Variants in ANK2 observed in about 807,000 individuals in gnomAD.
ANK2 encodes the protein ankyrin-2.
ANK2 carries 83 observed loss-of-function variants against 360.5 expected under a neutral mutation model. The observed-to-expected ratio is 0.23, with a 90% CI of 0.19 to 0.28. The LOEUF (loss-of-function observed/expected upper bound fraction) is 0.28, where lower values mean the gene tolerates loss of function less well. Among genes scored for constraint, ANK2 ranks in the 10% least tolerant of loss-of-function variants. ANK2 has a pLI of 1.00. For synonymous variants in ANK2, 1,740 were observed against 1,759.5 expected, an observed-to-expected ratio of 0.99 and a Z score of 0.28; for missense variants, 4,201 against 4,795.7, an observed-to-expected ratio of 0.88 and a Z score of 3.66.
intron 2 of ANK2, among the ~76,000 whole-genome samples, chr4:112,913,462 A>G (rs1447530339): frequency 6.6e-6 from 1 of 152,202 alleles, no homozygotes; most frequent in Non-Finnish European, 1.5e-5. Context: ...AATTGATTTT[A>G]CTTTGGACTT....
At chr4:112,723,668 C>CT in the ANK2 span, among the ~76,000 whole-genome samples, 1 of 152,050 alleles carries the variant, frequency 6.6e-6, no homozygotes, top group African/African-American at 2.4e-5. Context: ...CCGGCAAGAT[C>CT]TTTTTTTAAT....
At chr4:113,101,322 G>T (rs1314695933) in intron 1 of ANK2, among the ~76,000 whole-genome samples, 1 of 151,924 alleles carries the variant, frequency 6.6e-6, no homozygotes, top group African/African-American at 2.4e-5. Flanking sequence ...CAAAAATCAG[G>T]CTTTGACTAA....
chr4:112,956,013 G>A (rs2095313448), intron 2 of ANK2, among the ~76,000 whole-genome samples: 1 of 152,214 alleles, frequency 6.6e-6, no homozygotes, highest in Non-Finnish European at 1.5e-5. Flanking sequence ...CCCCTGAGGT[G>A]AGACATCACA....
At chr4:112,875,103 C>T (rs1431321310) in intron 1 of ANK2, among the ~76,000 whole-genome samples, 2 of 150,908 alleles carry the variant, frequency 1.3e-5, no homozygotes, top group Admixed American at 1.3e-4. Context: ...CTCACTGTAA[C>T]CTCCGCCTCC....
intron 2 of ANK2, among the ~76,000 whole-genome samples, chr4:113,030,095 G>A (rs1042449184): frequency 3.9e-5 from 6 of 151,948 alleles, no homozygotes; most frequent in Non-Finnish European, 7.4e-5. Flanking sequence ...TACCATGAAA[G>A]GGCAACAAAA....
At chr4:112,927,201 A>G (rs935962937) in intron 2 of ANK2, among the ~76,000 whole-genome samples, 2 of 152,194 alleles carry the variant, frequency 1.3e-5, no homozygotes, top group Non-Finnish European at 2.9e-5. Flanking sequence ...CAGCCAAACC[A>G]TATCACATGT....
chr4:112,725,210 A>G, the ANK2 span, among the ~76,000 whole-genome samples: 1 of 136,036 alleles, frequency 7.4e-6, no homozygotes, highest in South Asian at 2.7e-4. Flanking sequence ...TGAACCCAGG[A>G]GGTGGAGGTT....
chr4:113,004,681 A>G (rs2052114178), intron 2 of ANK2, among the ~76,000 whole-genome samples: 1 of 152,226 alleles, frequency 6.6e-6, no homozygotes, highest in South Asian at 2.1e-4. Context: ...TACATAAACC[A>G]GTTACATAGT....
chr4:113,303,475 TC>T (rs1477062499), intron 23 of ANK2, among the ~76,000 whole-genome samples: 1 of 152,172 alleles, frequency 6.6e-6, no homozygotes, highest in African/African-American at 2.4e-5. Flanking sequence ...AAGCCTGCTT[TC>T]CAAAAAGGAG....
intron 1 of ANK2, among the ~76,000 whole-genome samples, chr4:113,082,839 T>C (rs1272891077): frequency 6.6e-6 from 1 of 152,222 alleles, no homozygotes; most frequent in East Asian, 1.9e-4. Context: ...TTAGTGTTCA[T>C]TTTTATATTT....
intron 1 of ANK2, among the ~76,000 whole-genome samples, chr4:112,857,434 C>T (rs1316806276): frequency 2.0e-5 from 3 of 152,074 alleles, no homozygotes; most frequent in Non-Finnish European, 4.4e-5. Flanking sequence ...CTTTTAATGG[C>T]CCTAGCACCA....
chr4:112,789,237 A>C, the ANK2 span, among the ~76,000 whole-genome samples: 1 of 152,226 alleles, frequency 6.6e-6, no homozygotes, highest in African/African-American at 2.4e-5. Flanking sequence ...CAAGTCTTAG[A>C]TGAGCTGAAG....
chr4:112,793,889 G>A, the ANK2 span, among the ~76,000 whole-genome samples: 1 of 151,774 alleles, frequency 6.6e-6, no homozygotes, highest in Non-Finnish European at 1.5e-5. Context: ...TGGTAGAGAT[G>A]GGGTTTCACC....
intron 4 of ANK2, among the ~76,000 whole-genome samples, chr4:113,229,784 C>T (rs2099269958): frequency 6.6e-6 from 1 of 152,218 alleles, no homozygotes; most frequent in Non-Finnish European, 1.5e-5. Context: ...AGGGTCCTTT[C>T]TCAGGCAGGG....
chr4:112,961,924 A>G (rs2035021582), intron 2 of ANK2, among the ~76,000 whole-genome samples: 1 of 152,130 alleles, frequency 6.6e-6, no homozygotes, highest in African/African-American at 2.4e-5. Flanking sequence ...TGATTTGTTT[A>G]ATTTGTTTGG....
chr4:112,714,863 C>T, the ANK2 span, among the ~76,000 whole-genome samples: 3 of 152,174 alleles, frequency 2.0e-5, no homozygotes, highest in Admixed American at 1.3e-4. Context: ...TCTAGTGACA[C>T]GTATAGCCTT....
chr4:113,247,383 A>T (rs765804141), intron 9 of ANK2, among the ~76,000 whole-genome samples: 56 of 152,202 alleles, frequency 3.7e-4, no homozygotes, highest in Admixed American at 7.2e-4. Context: ...TGATGTCATC[A>T]TTCACACATC....
chr4:112,729,737 G>C, the ANK2 span, among the ~76,000 whole-genome samples: 2 of 144,090 alleles, frequency 1.4e-5, no homozygotes, highest in African/African-American at 5.2e-5. Context: ...GACAGAGAGA[G>C]ACTCTGTCTC....
At chr4:113,161,921 G>A (rs1325658171) in intron 1 of ANK2, among the ~76,000 whole-genome samples, 2 of 152,024 alleles carry the variant, frequency 1.3e-5, no homozygotes, top group Non-Finnish European at 2.9e-5. Flanking sequence ...AGAAAAACTG[G>A]GCCATCTCCC....
Sources: allele counts gnomAD v4.1 joint callset (sites outside exome capture counted in the v4.1 genomes callset), GRCh38; gene constraint gnomAD v4.1.1; transcripts MANE v1.5; gene names NCBI Gene and HGNC (gene_info 2026-07-23, HGNC 2026-07-21).